Variants in EYS observed in about 807,000 individuals in gnomAD.
The protein encoded by EYS is protein eyes shut homolog.
In EYS, 250 loss-of-function variants were observed where a neutral mutation model predicts 282.1. The ratio of observed to expected loss-of-function variants is 0.89; its 90% confidence interval spans 0.80 to 0.98. EYS has a LOEUF of 0.98. EYS is among the 50% of genes least tolerant of loss of function. The pLI is 0.00. For synonymous variants in EYS, 1,355 were observed against 1,282.9 expected, an observed-to-expected ratio of 1.06 and a Z score of -1.20; for missense variants, 4,016 against 3,709.0, an observed-to-expected ratio of 1.08 and a Z score of -2.15.
At chr6:65,610,382 A>G (rs1400673546) in intron 2 of EYS, among the ~76,000 whole-genome samples, 4 of 152,096 alleles carry the variant, frequency 2.6e-5, no homozygotes. Context: ...AATTGCTAAC[A>G]ATGAAATCTA....
intron 33 of EYS, among the ~76,000 whole-genome samples, chr6:64,001,314 AAGG>A (rs1490383994): frequency 1.3e-5 from 2 of 152,204 alleles, no homozygotes; most frequent in Non-Finnish European, 2.9e-5. Flanking sequence ...AGGGATCTCT[AAGG>A]AGATTTTTGT....
chr6:65,070,608 T>C (rs1773875026), intron 12 of EYS, among the ~76,000 whole-genome samples: 1 of 151,918 alleles, frequency 6.6e-6, no homozygotes, highest in Non-Finnish European at 1.5e-5. Flanking sequence ...AAGAGGTCAC[T>C]AGCATCCTGG....
chr6:64,598,835 A>T (rs1766670124), intron 24 of EYS, among the ~76,000 whole-genome samples: 2 of 152,366 alleles, frequency 1.3e-5, no homozygotes, highest in African/African-American at 4.8e-5. Context: ...AAGACAAAAT[A>T]TCCCAAAATA....
At chr6:64,131,624 T>C (rs1358400045) in intron 31 of EYS, among the ~76,000 whole-genome samples, 1 of 151,932 alleles carries the variant, frequency 6.6e-6, no homozygotes, top group Non-Finnish European at 1.5e-5. Context: ...ATAGTAAAAG[T>C]GTAGTAGATG....
intron 19 of EYS, among the ~76,000 whole-genome samples, chr6:64,856,797 C>T (rs1175056813): frequency 1.3e-5 from 2 of 151,812 alleles, no homozygotes; most frequent in East Asian, 3.9e-4. Context: ...TTTCTTCTCT[C>T]ATGGATCAAG....
At chr6:64,227,804 G>C (rs1766294763) in intron 31 of EYS, among the ~76,000 whole-genome samples, 1 of 151,050 alleles carries the variant, frequency 6.6e-6, no homozygotes, top group African/African-American at 2.5e-5. Flanking sequence ...ATGGCACTCT[G>C]TCTGTAAATT....
intron 19 of EYS, among the ~76,000 whole-genome samples, chr6:64,852,634 T>C (rs1471657138): frequency 6.6e-6 from 1 of 152,164 alleles, no homozygotes; most frequent in African/African-American, 2.4e-5. Flanking sequence ...GATGAGGTTA[T>C]ACTGAAATAA....
At chr6:64,930,562 A>G (rs2150086835) in intron 15 of EYS, among the ~76,000 whole-genome samples, 1 of 151,978 alleles carries the variant, frequency 6.6e-6, no homozygotes, top group South Asian at 2.1e-4. Flanking sequence ...AATAATCACA[A>G]GTTTTTAACT....
At chr6:65,388,229 T>A (rs1244635830) in intron 7 of EYS, among the ~76,000 whole-genome samples, 1 of 151,988 alleles carries the variant, frequency 6.6e-6, no homozygotes, top group Non-Finnish European at 1.5e-5. Context: ...ATAATTAAAA[T>A]TAACATGCTA....
intron 16 of EYS, among the ~76,000 whole-genome samples, chr6:64,910,501 A>G (rs1767957866): frequency 1.3e-5 from 2 of 152,136 alleles, no homozygotes; most frequent in African/African-American, 4.8e-5. Context: ...TAGTTAAAAA[A>G]TGATGTGCAT....
chr6:64,752,729 G>A (rs530206739), intron 22 of EYS, among the ~76,000 whole-genome samples: 2 of 151,722 alleles, frequency 1.3e-5, no homozygotes, highest in Non-Finnish European at 2.9e-5. Flanking sequence ...TCAACATGAA[G>A]GAAAAAAAAT....
At chr6:64,191,046 A>G (rs1765087700) in intron 31 of EYS, among the ~76,000 whole-genome samples, 1 of 152,138 alleles carries the variant, frequency 6.6e-6, no homozygotes, top group Non-Finnish European at 1.5e-5. Flanking sequence ...GTAGTTTTCC[A>G]TAGTTCCTTT....
At chr6:64,308,023 C>A (rs966303318) in intron 29 of EYS, among the ~76,000 whole-genome samples, 2 of 151,842 alleles carry the variant, frequency 1.3e-5, no homozygotes, top group Non-Finnish European at 2.9e-5. Flanking sequence ...AGAAGAAAAG[C>A]TAATACACTC....
intron 12 of EYS, among the ~76,000 whole-genome samples, chr6:65,234,102 A>G (rs611249): frequency 3.3e-5 from 5 of 151,838 alleles, no homozygotes; most frequent in Non-Finnish European, 7.4e-5. Context: ...TTCATTATTT[A>G]TTAATAGTGT....
chr6:63,794,831 T>C (rs1364165833), intron 37 of EYS, among the ~76,000 whole-genome samples: 1 of 152,224 alleles, frequency 6.6e-6, no homozygotes, highest in Non-Finnish European at 1.5e-5. Flanking sequence ...TCATTTGGTA[T>C]GCAGAACACA....
intron 35 of EYS, among the ~76,000 whole-genome samples, chr6:63,907,367 AT>A: frequency 6.6e-6 from 1 of 152,154 alleles, no homozygotes; most frequent in East Asian, 1.9e-4. Flanking sequence ...GAGTGAGGGG[AT>A]TGCTTCTATC....
intron 22 of EYS, among the ~76,000 whole-genome samples, chr6:64,775,791 T>C (rs963031831): frequency 2.0e-5 from 3 of 152,092 alleles, no homozygotes; most frequent in African/African-American, 2.4e-5. Context: ...ATTCAAAACA[T>C]CACAAATATG....
intron 29 of EYS, among the ~76,000 whole-genome samples, chr6:64,337,248 A>C (rs565456077): frequency 1.3e-5 from 2 of 152,244 alleles, no homozygotes; most frequent in Admixed American, 1.3e-4. Flanking sequence ...TTAACCAAGA[A>C]AAGTAGAGAG....
At chr6:65,482,772 C>A (rs1343230278) in intron 5 of EYS, among the ~76,000 whole-genome samples, 2 of 152,184 alleles carry the variant, frequency 1.3e-5, no homozygotes, top group African/African-American at 2.4e-5. Flanking sequence ...CATTGCAAAA[C>A]CTTTTTAACA....
Sources: gnomAD v4.1 joint callset for allele counts (sites outside exome capture counted in the v4.1 genomes callset) on GRCh38, gnomAD v4.1.1 for gene constraint, MANE v1.5 for transcripts, NCBI Gene and HGNC (gene_info 2026-07-23, HGNC 2026-07-21) for gene names.